The following STARD13 variants were observed in gnomAD, a reference collection of about 807,000 sequenced individuals.
STARD13 encodes stAR-related lipid transfer protein 13.
STARD13 carries 62 observed loss-of-function variants against 106.4 expected under a neutral mutation model. The observed-to-expected ratio is 0.58, with a 90% CI of 0.48 to 0.72. The LOEUF (loss-of-function observed/expected upper bound fraction) is 0.72. Among genes scored for constraint, STARD13 ranks in the 30% least tolerant of loss-of-function variants. The pLI, the probability that STARD13 is intolerant of heterozygous loss-of-function variation, is 0.00. For missense variants in STARD13, 1,387 were observed against 1,424.0 expected (o/e 0.97, Z 0.42); for synonymous variants, 565 against 553.0 (o/e 1.02, Z -0.31).
upstream of STARD13, among the ~76,000 whole-genome samples, chr13:33,288,332 G>A (rs759825616): frequency 2.6e-5 from 4 of 151,834 alleles, no homozygotes; most frequent in African/African-American, 4.8e-5. Flanking sequence ...TTGCAGTGGC[G>A]CAATCATAGT....
intron 1 of STARD13, among the ~76,000 whole-genome samples, chr13:33,175,485 A>T (rs151015873): frequency 3.3e-5 from 5 of 152,316 alleles, no homozygotes; most frequent in African/African-American, 4.8e-5. Context: ...GGACAAGTGC[A>T]TGAGATTCTG....
intron 1 of STARD13, among the ~76,000 whole-genome samples, chr13:33,270,244 C>CA (rs920504625): frequency 5.3e-5 from 8 of 152,038 alleles, no homozygotes; most frequent in East Asian, 1.9e-4. Flanking sequence ...TAAAACAAAA[C>CA]AAAAAAACAA....
At chr13:33,651,302 A>C in the STARD13 span, among the ~76,000 whole-genome samples, 1 of 152,244 alleles carries the variant, frequency 6.6e-6, no homozygotes, top group African/African-American at 2.4e-5. Context: ...CTTTCATTAA[A>C]AAATGAAAAT....
At chr13:33,520,733 C>T in the STARD13 span, among the ~76,000 whole-genome samples, 1 of 152,098 alleles carries the variant, frequency 6.6e-6, no homozygotes, top group Non-Finnish European at 1.5e-5. Flanking sequence ...GCATCCCAAG[C>T]AGGGATCCCT....
the STARD13 span, among the ~76,000 whole-genome samples, chr13:33,451,647 C>T: frequency 6.6e-6 from 1 of 152,056 alleles, no homozygotes; most frequent in Non-Finnish European, 1.5e-5. Context: ...GAAGCCGGAG[C>T]TCAGGAATGT....
intron 7 of STARD13, among the ~76,000 whole-genome samples, chr13:33,120,276 G>A (rs930969052): frequency 6.6e-6 from 1 of 152,234 alleles, no homozygotes; most frequent in African/African-American, 2.4e-5. Context: ...TGTCCACCGT[G>A]TCTTGCGGGC....
chr13:33,176,503 G>A (rs1004557712), intron 1 of STARD13, among the ~76,000 whole-genome samples: 2 of 152,120 alleles, frequency 1.3e-5, no homozygotes, highest in Non-Finnish European at 2.9e-5. Context: ...TTTTCCCTAT[G>A]CTCTTCAAGG....
the STARD13 span, among the ~76,000 whole-genome samples, chr13:33,502,370 A>G: frequency 6.6e-6 from 1 of 152,072 alleles, no homozygotes; most frequent in African/African-American, 2.4e-5. Context: ...ATTGAATACC[A>G]TTTATTTCTT....
At chr13:33,303,334 G>C (rs935942574) in intron 1 of STARD13, among the ~76,000 whole-genome samples, 1 of 152,166 alleles carries the variant, frequency 6.6e-6, no homozygotes, top group Non-Finnish European at 1.5e-5. Context: ...CCCTCAGAGA[G>C]GCAGTGTGGT....
chr13:33,110,820 G>T lies in STARD13; in HGVS notation c.2695C>A (p.Leu899Met). ...VPTLEELGTQLEESGATFHTY... is the reference protein window; with the variant it reads ...VPTLEELGTQMEESGATFHTY... Reference sequence around the variant, plus strand: ...TGGAAAGTTGCCCCACTCTCCTCCAGCTGTGTCCCCAATTCTTCCAGGGTT... The same window carrying T: ...TGGAAAGTTGCCCCACTCTCCTCCATCTGTGTCCCCAATTCTTCCAGGGTT... The change falls in exon 11 of 14, where the codon CTG becomes ATG. Residue 899 changes from leucine to methionine, a missense_variant. By Grantham distance (15) the Leu-to-Met change is conservative. Coordinates refer to ENST00000336934, the MANE Select transcript of STARD13 (RefSeq NM_178006.4). 1 of 1,614,150 alleles carries T rather than the reference G, an allele frequency of 6.2e-7. No individual in the cohort carries two copies. Among genetic ancestry groups the T allele is most frequent in the South Asian group, 1.1e-5 (1 of 91,088 alleles).
chr13:33,519,228 C>CTT, the STARD13 span, among the ~76,000 whole-genome samples: 1 of 147,810 alleles, frequency 6.8e-6, no homozygotes, highest in Non-Finnish European at 1.5e-5. Context: ...TTCTTTCTTT[C>CTT]TTTCTTTCTT....
intron 1 of STARD13, among the ~76,000 whole-genome samples, chr13:33,249,816 G>A (rs1288577429): frequency 6.6e-6 from 1 of 151,932 alleles, no homozygotes; most frequent in Non-Finnish European, 1.5e-5. Context: ...TAGAGACAGG[G>A]TCTTACTGTG....
chr13:33,127,337 GC>G, intron 6 of STARD13, 35 bp downstream of exon 6: 1 of 1,523,694 alleles, frequency 6.6e-7, no homozygotes, highest in Non-Finnish European at 8.8e-7. Flanking sequence ...TAGCTCTAGA[GC>G]CAAGGATCCC....
the STARD13 span, among the ~76,000 whole-genome samples, chr13:33,671,902 C>G: frequency 6.6e-6 from 1 of 152,166 alleles, no homozygotes; most frequent in Non-Finnish European, 1.5e-5. Flanking sequence ...TAGCTTGTCC[C>G]TTTTACACTG....
chr13:33,190,872 C>T (rs1231217610), intron 1 of STARD13, among the ~76,000 whole-genome samples: 1 of 152,140 alleles, frequency 6.6e-6, no homozygotes, highest in Middle Eastern at 3.2e-3. Context: ...GCATGAGCCA[C>T]CGTACCCGGC....
At chr13:33,179,873 G>T (rs1885058240) in intron 1 of STARD13, among the ~76,000 whole-genome samples, 1 of 152,212 alleles carries the variant, frequency 6.6e-6, no homozygotes, top group African/African-American at 2.4e-5. Context: ...ACATGGTTCT[G>T]CCATAAACAA....
intron 7 of STARD13, among the ~76,000 whole-genome samples, chr13:33,124,880 C>A (rs1466798774): frequency 2.0e-5 from 3 of 152,110 alleles, no homozygotes; most frequent in African/African-American, 7.2e-5. Flanking sequence ...GCTATTAAGG[C>A]CATTTCTCAA....
the STARD13 span, among the ~76,000 whole-genome samples, chr13:33,550,943 A>G: frequency 3.3e-5 from 5 of 152,218 alleles, no homozygotes. Context: ...TTATACCACC[A>G]TCCAGTTTCT....
Position 33,285,499 on chromosome 13 carries a change from C to A in STARD13, c.140G>T (p.Arg47Leu). The A allele has an allele frequency of 1.9e-6, 3 of 1,613,872 alleles. No homozygotes were observed. Among genetic ancestry groups the A allele is most frequent in the South Asian group, 2.2e-5 (2 of 91,048 alleles). The change falls in exon 1 of 14, where the codon CGC becomes CTC. Residue 47 changes from arginine to leucine, a missense_variant. Coordinates refer to ENST00000336934, the MANE Select transcript of STARD13 (RefSeq NM_178006.4). ...SPYRMSRILA[R>L]HQLVTKIQQE... is the part of the protein sequence containing the mutation. ...TTGAATTTTAGTCACTAGCTGATGG[C>A]GTGCTAGAATCCGGCTCATCCTGTA...
Sources: allele counts gnomAD v4.1 joint callset (sites outside exome capture counted in the v4.1 genomes callset), GRCh38; gene constraint gnomAD v4.1.1; transcripts MANE v1.5; gene names NCBI Gene and HGNC (gene_info 2026-07-23, HGNC 2026-07-21).